ZNF385D: variants seen among roughly 807,000 people sequenced by gnomAD.
ZNF385D encodes zinc finger protein 385D, also known as zinc finger protein 659.
Under a neutral mutation model 35.8 loss-of-function variants are expected in ZNF385D, and 15 were observed. That is an observed-to-expected ratio of 0.42 (90% CI 0.28 to 0.64). The LOEUF is 0.64. ZNF385D is among the 30% of genes least tolerant of loss of function. The probability of loss-of-function intolerance (pLI) is 0.23; values close to 1 mark genes in which losing one functional copy is unlikely to be tolerated. For synonymous variants in ZNF385D, 212 were observed against 186.8 expected (o/e 1.13, Z -1.10); for missense variants, 474 against 494.6 (o/e 0.96, Z 0.39).
At chr3:22,082,482 G>A (rs926726467) in intron 3 of ZNF385D, among the ~76,000 whole-genome samples, 7 of 152,274 alleles carry the variant, frequency 4.6e-5, no homozygotes, top group South Asian at 2.1e-4. Context: ...ACTGCAAGGC[G>A]GCAGCCTATC....
upstream of ZNF385D, among the ~76,000 whole-genome samples, chr3:21,752,915 C>T (rs1009940948): frequency 6.6e-6 from 1 of 152,102 alleles, no homozygotes; most frequent in Admixed American, 6.5e-5. Flanking sequence ...AGAGCTTATT[C>T]ATGAAGCCTG....
chr3:21,545,692 C>T (rs1258355608), intron 3 of ZNF385D, among the ~76,000 whole-genome samples: 1 of 152,150 alleles, frequency 6.6e-6, no homozygotes, highest in African/African-American at 2.4e-5. Flanking sequence ...GGGTATGCTT[C>T]CCTATAAGGA....
intron 2 of ZNF385D, among the ~76,000 whole-genome samples, chr3:22,247,776 T>C (rs1029696180): frequency 2.6e-5 from 4 of 152,040 alleles, no homozygotes; most frequent in African/African-American, 9.7e-5. Flanking sequence ...AGCTAATTTT[T>C]GTACTTTTAG....
chr3:22,212,342 C>T (rs1697579210), intron 2 of ZNF385D, among the ~76,000 whole-genome samples: 1 of 151,986 alleles, frequency 6.6e-6, no homozygotes, highest in Non-Finnish European at 1.5e-5. Flanking sequence ...CTTCTTCATG[C>T]CATCTTGCTA....
intron 3 of ZNF385D, among the ~76,000 whole-genome samples, chr3:21,926,822 C>T (rs763874831): frequency 1.3e-5 from 2 of 152,120 alleles, no homozygotes; most frequent in African/African-American, 4.8e-5. Flanking sequence ...AACTAAAGAA[C>T]TTCTGCACAG....
At chr3:21,946,415 A>C in intron 3 of ZNF385D, among the ~76,000 whole-genome samples, 1 of 152,158 alleles carries the variant, frequency 6.6e-6, no homozygotes, top group South Asian at 2.1e-4. Flanking sequence ...GCAAAGTTGA[A>C]AATTAATTCA....
chr3:21,426,377 A>C (rs888099095), intron 5 of ZNF385D, among the ~76,000 whole-genome samples: 14 of 152,154 alleles, frequency 9.2e-5, no homozygotes, highest in African/African-American at 3.4e-4. Flanking sequence ...TTAATAAACA[A>C]ATAACATCTT....
chr3:21,579,157 A>ATAAAG (rs1449712934), intron 2 of ZNF385D: 1 of 152,194 alleles, frequency 6.6e-6, no homozygotes, highest in East Asian at 1.9e-4. Flanking sequence ...TGGTCTCTGA[A>ATAAAG]TAAAGTATAA....
At chr3:22,133,776 C>T (rs1703943297) in intron 3 of ZNF385D, 1 of 151,808 alleles carries the variant, frequency 6.6e-6, no homozygotes, top group Non-Finnish European at 1.5e-5. Context: ...CCATTCCTTG[C>T]TCTGCACTAA....
At chr3:22,355,624 A>G (rs114307786) in intron 2 of ZNF385D, among the ~76,000 whole-genome samples, 1,549 of 152,042 alleles carry the variant, frequency 0.01, 23 homozygotes, top group African/African-American at 0.035. Context: ...AAGCTGGCCA[A>G]TGTTAGCAAG....
At chr3:21,628,774 A>G (rs1324757122) in intron 2 of ZNF385D, among the ~76,000 whole-genome samples, 3 of 152,134 alleles carry the variant, frequency 2.0e-5, no homozygotes, top group African/African-American at 7.2e-5. Context: ...ATTCTGACAC[A>G]TAAACAAAAG....
At chr3:21,641,837 A>T (rs2065615489) in intron 2 of ZNF385D, among the ~76,000 whole-genome samples, 1 of 151,936 alleles carries the variant, frequency 6.6e-6, no homozygotes, top group African/African-American at 2.4e-5. Context: ...AGCAGCCCCA[A>T]ATCATTTCTT....
At chr3:22,302,882 A>G (rs1292011836) in intron 2 of ZNF385D, among the ~76,000 whole-genome samples, 2 of 152,134 alleles carry the variant, frequency 1.3e-5, no homozygotes, top group Admixed American at 1.3e-4. Flanking sequence ...TTCTCTAGCT[A>G]AAGAAATATA....
intron 3 of ZNF385D, among the ~76,000 whole-genome samples, chr3:21,901,098 A>C (rs1281608976): frequency 6.6e-6 from 1 of 152,232 alleles, no homozygotes; most frequent in Non-Finnish European, 1.5e-5. Flanking sequence ...TGCTGCGCTA[A>C]GCAAATTGGC....
chr3:21,826,028 C>G (rs552596251), intron 3 of ZNF385D, among the ~76,000 whole-genome samples: 3 of 152,302 alleles, frequency 2.0e-5, no homozygotes, highest in Admixed American at 2.0e-4. Context: ...TCATCCCCTT[C>G]TTCCCCTCAA....
chr3:22,110,902 G>A (rs999455685), intron 3 of ZNF385D, among the ~76,000 whole-genome samples: 3 of 152,040 alleles, frequency 2.0e-5, no homozygotes, highest in Admixed American at 2.0e-4. Flanking sequence ...TAATTTAGCT[G>A]AGAGTCTTGA....
chr3:21,968,299 C>A (rs925845383), intron 3 of ZNF385D, among the ~76,000 whole-genome samples: 5 of 152,104 alleles, frequency 3.3e-5, no homozygotes, highest in African/African-American at 1.2e-4. Context: ...GGCTAAAGGG[C>A]TCTGGGGTTC....
At chr3:22,207,912 C>G (rs879736887) in intron 2 of ZNF385D, among the ~76,000 whole-genome samples, 2 of 151,500 alleles carry the variant, frequency 1.3e-5, no homozygotes, top group African/African-American at 2.4e-5. Context: ...TAGCTTTGGT[C>G]CAAAAGATAG....
chr3:21,854,203 C>A (rs1696577788), intron 3 of ZNF385D, among the ~76,000 whole-genome samples: 1 of 151,910 alleles, frequency 6.6e-6, no homozygotes, highest in Admixed American at 6.6e-5. Flanking sequence ...TTGGGCCGCT[C>A]CATTCATCCT....
Sources: allele counts gnomAD v4.1 joint callset (sites outside exome capture counted in the v4.1 genomes callset), GRCh38; gene constraint gnomAD v4.1.1; transcripts MANE v1.5; gene names NCBI Gene and HGNC (gene_info 2026-07-23, HGNC 2026-07-21).